PAPPA2: variants seen among roughly 807,000 people sequenced by gnomAD.
PAPPA2 encodes pappalysin-2.
PAPPA2 carries 86 observed loss-of-function variants against 176.4 expected under a neutral mutation model. The ratio of observed to expected loss-of-function variants is 0.49; its 90% CI spans 0.41 to 0.58. PAPPA2 has a LOEUF of 0.58. Ranked by LOEUF, PAPPA2 falls within the 20% of genes least tolerant of loss-of-function variation. PAPPA2 has a pLI of 0.00. For synonymous variants in PAPPA2, 809 were observed against 852.2 expected (o/e 0.95, Z 0.88); for missense variants, 2,073 against 2,256.9 (o/e 0.92, Z 1.65).
At position 176,555,666 on chromosome 1, in the gene PAPPA2, A is replaced by G. The variant is rs1262597831; in HGVS notation, c.-657A>G. 6.6e-6 allele frequency: 1 copy of G among 152,240 alleles called. No homozygotes were observed. Among genetic ancestry groups the G allele is most frequent in the Non-Finnish European group, 1.5e-5 (1 of 68,080 alleles). 9.4% of individuals were successfully genotyped at this position (152,240 alleles called of 1,614,324 possible). A position where few individuals can be genotyped will look rare whatever the true frequency, so the allele number is the denominator to read the frequency against. On this transcript the variant is annotated 5_prime_UTR_variant, in exon 2 of 23. Transcript: ENST00000367662. ...GAATGAAAGTTAAGTACCAGCTTGC[A>G]TTTTTGTGCCCCTAGATTATTTTTG... is the stretch of plus-strand genomic sequence containing the variant.
At chr1:176,735,015 A>G (rs1160633227) in intron 12 of PAPPA2, among the ~76,000 whole-genome samples, 3 of 152,180 alleles carry the variant, frequency 2.0e-5, no homozygotes, top group Non-Finnish European at 4.4e-5. Flanking sequence ...TTCAGTCAAC[A>G]TAATACAGAG....
intron 1 of PAPPA2, among the ~76,000 whole-genome samples, chr1:176,500,589 C>A (rs1647904151): frequency 6.6e-6 from 1 of 151,112 alleles, no homozygotes; most frequent in Admixed American, 6.6e-5. Context: ...TTTATGAACT[C>A]TTTACTGTTT....
At chr1:176,656,490 G>A (rs1036846092) in intron 3 of PAPPA2, among the ~76,000 whole-genome samples, 3 of 151,826 alleles carry the variant, frequency 2.0e-5, no homozygotes, top group South Asian at 2.1e-4. Flanking sequence ...ATAAGCTCTC[G>A]GGGCCTGGGT....
At chr1:176,593,883 C>T (rs963024458) in intron 2 of PAPPA2, among the ~76,000 whole-genome samples, 1 of 152,174 alleles carries the variant, frequency 6.6e-6, no homozygotes, top group Non-Finnish European at 1.5e-5. Context: ...GGGGCAGTGC[C>T]ATATTGCTTT....
At chr1:176,834,109 C>A (rs1016582336) in intron 21 of PAPPA2, among the ~76,000 whole-genome samples, 1 of 152,188 alleles carries the variant, frequency 6.6e-6, no homozygotes, top group Non-Finnish European at 1.5e-5. Flanking sequence ...TTGTTGACAA[C>A]CTACATCAGT....
chr1:176,763,723 G>C (rs868232567), intron 14 of PAPPA2, among the ~76,000 whole-genome samples: 23 of 152,252 alleles, frequency 1.5e-4, no homozygotes, highest in African/African-American at 5.1e-4. Context: ...ACTGATTAAA[G>C]AATGAGAAAA....
chr1:176,640,387 C>T (rs1486318644), intron 3 of PAPPA2, among the ~76,000 whole-genome samples: 1 of 141,022 alleles, frequency 7.1e-6, no homozygotes, highest in African/African-American at 2.6e-5. Flanking sequence ...GTTCCCCTTC[C>T]TGTGTACATG....
intron 3 of PAPPA2, among the ~76,000 whole-genome samples, chr1:176,639,371 C>T (rs1472600748): frequency 6.6e-6 from 1 of 152,080 alleles, no homozygotes. Context: ...CTGGCCCTTC[C>T]ATTGTGTGGC....
intron 3 of PAPPA2, among the ~76,000 whole-genome samples, chr1:176,613,990 G>A (rs1410646713): frequency 6.6e-6 from 1 of 152,138 alleles, no homozygotes; most frequent in Non-Finnish European, 1.5e-5. Flanking sequence ...AGAACTATAT[G>A]CCCATGCTTC....
At chr1:176,694,601 G>A (rs143491281) in intron 6 of PAPPA2, among the ~76,000 whole-genome samples, 55 of 152,278 alleles carry the variant, frequency 3.6e-4, no homozygotes, top group South Asian at 2.7e-3. Flanking sequence ...TTTCAGATGC[G>A]TCATTCACAA....
intron 14 of PAPPA2, among the ~76,000 whole-genome samples, chr1:176,752,204 A>T (rs1336631912): frequency 1.0e-5 from 1 of 97,332 alleles, no homozygotes. Flanking sequence ...GGGTCGGGGG[A>T]GGGGGGAGGG....
chr1:176,559,021 G>A (rs1651502002), intron 2 of PAPPA2, among the ~76,000 whole-genome samples: 1 of 152,182 alleles, frequency 6.6e-6, no homozygotes, highest in East Asian at 1.9e-4. Context: ...GAGGAAAGCA[G>A]TGTCATGATT....
chr1:176,524,676 A>G (rs968611468), intron 1 of PAPPA2, among the ~76,000 whole-genome samples: 16 of 152,138 alleles, frequency 1.1e-4, no homozygotes, highest in African/African-American at 3.9e-4. Flanking sequence ...AGGTGTGATT[A>G]AGAGAGCAGA....
intron 14 of PAPPA2, among the ~76,000 whole-genome samples, chr1:176,743,352 G>A (rs1319384566): frequency 6.6e-6 from 1 of 152,120 alleles, no homozygotes; most frequent in Non-Finnish European, 1.5e-5. Flanking sequence ...TTCTCACTCT[G>A]TTATGATGAC....
chr1:176,543,882 C>T (rs1366988372), intron 1 of PAPPA2, among the ~76,000 whole-genome samples: 1 of 152,190 alleles, frequency 6.6e-6, no homozygotes, highest in Non-Finnish European at 1.5e-5. Flanking sequence ...ATCTCTCTTT[C>T]CCTACTTACT....
At chr1:176,651,477 TAGGGAAGTCTGTTGC>T (rs901417338) in intron 3 of PAPPA2, among the ~76,000 whole-genome samples, 4 of 151,658 alleles carry the variant, frequency 2.6e-5, no homozygotes, top group African/African-American at 9.7e-5. Flanking sequence ...ATAGTTTCCA[TAGGGAAGTCTGTTGC>T]CAGACAAATT....
At chr1:176,490,143 CTTT>C (rs199759125) in intron 1 of PAPPA2, among the ~76,000 whole-genome samples, 2 of 139,914 alleles carry the variant, frequency 1.4e-5, no homozygotes, top group African/African-American at 2.6e-5. Context: ...TTTTAAGTGT[CTTT>C]TTTTTTTTTT....
chr1:176,713,977 T>C (rs1661257482), intron 12 of PAPPA2, among the ~76,000 whole-genome samples: 1 of 152,136 alleles, frequency 6.6e-6, no homozygotes, highest in African/African-American at 2.4e-5. Context: ...CCTAAAACAA[T>C]TAATTAGCTA....
At chr1:176,688,965 T>C (rs1167303030) in intron 4 of PAPPA2, among the ~76,000 whole-genome samples, 1 of 152,148 alleles carries the variant, frequency 6.6e-6, no homozygotes, top group Non-Finnish European at 1.5e-5. Context: ...CCTGCTATAC[T>C]CAGAAGACTA....
Sources: gnomAD v4.1 joint callset for allele counts (sites outside exome capture counted in the v4.1 genomes callset) on GRCh38, gnomAD v4.1.1 for gene constraint, MANE v1.5 for transcripts, NCBI Gene and HGNC (gene_info 2026-07-23, HGNC 2026-07-21) for gene names.